Variants in CGREF1 observed in about 807,000 individuals in gnomAD.
The protein encoded by CGREF1 is cell growth regulator with EF hand domain protein 1.
A neutral mutation model predicts 17.4 loss-of-function variants in CGREF1; 16 were observed. The observed-to-expected ratio is 0.92, with a 90% CI of 0.62 to 1.40. The LOEUF (loss-of-function observed/expected upper bound fraction) is 1.40, where lower values mean the gene tolerates loss of function less well. Ranked by LOEUF, CGREF1 falls within the 40% of genes most tolerant of loss-of-function variation. The pLI, the probability that CGREF1 is intolerant of heterozygous loss-of-function variation, is 0.00. For synonymous variants in CGREF1, 142 were observed against 154.6 expected, an observed-to-expected ratio of 0.92 and a Z score of 0.61; for missense variants, 296 against 376.4, an observed-to-expected ratio of 0.79 and a Z score of 1.77.
At chr2:27,112,269 C>G (rs775524741) in intron 1 of CGREF1, among the ~76,000 whole-genome samples, 1 of 151,774 alleles carries the variant, frequency 6.6e-6, no homozygotes, top group Non-Finnish European at 1.5e-5. Context: ...GAGTGAGACC[C>G]CATTTCAGAA....
At chr2:27,105,150 G>A (rs1671067541) in intron 1 of CGREF1, among the ~76,000 whole-genome samples, 1 of 152,220 alleles carries the variant, frequency 6.6e-6, no homozygotes, top group South Asian at 2.1e-4. Flanking sequence ...GAGTCCCAGG[G>A]TATGTACAGG....
chr2:27,101,165 C>T lies in CGREF1; in HGVS notation c.*109G>A, dbSNP rs1039925901. On this transcript the variant is annotated 3_prime_UTR_variant, in exon 6 of 6. Transcript: ENST00000402394. ...AGAAAGACCTGATACCTACTGGGACCAGGCAGGGGGCACAGAGATGGTCCT... is the reference window on the plus strand; with the variant it reads ...AGAAAGACCTGATACCTACTGGGACTAGGCAGGGGGCACAGAGATGGTCCT... The T allele has an allele frequency of 6.7e-7, 1 of 1,486,536 alleles. No individual in the cohort carries two copies. The highest frequency in any genetic ancestry group is 8.9e-7 in the Non-Finnish European group (1 of 1,125,362). 92.1% of individuals were successfully genotyped at this position (1,486,536 alleles called of 1,614,324 possible).
At position 27,104,302 on chromosome 2, in the gene CGREF1, T is replaced by C; in HGVS notation, c.65A>G (p.Lys22Arg). 6.4e-7 allele frequency: 1 copy of C among 1,566,336 alleles called. No homozygotes were observed. Among genetic ancestry groups the C allele is most frequent in the Non-Finnish European group, 8.7e-7 (1 of 1,155,722 alleles). The change falls in exon 2 of 6, where the codon AAG becomes AGG. Residue 22 changes from lysine (K) to arginine (R), a missense_variant. Coordinates refer to ENST00000402394, the MANE Select transcript of CGREF1 (RefSeq NM_006569.6). ...ACCCTGTTACCTTGTGACTCCATCC[T>C]TTGGGGCAGCCTGACCCGTGGGGAG... ...LLLPTGQAAP[K>R]DGVTRPDSEV...
chr2:27,110,218 C>T (rs567313443), intron 1 of CGREF1, among the ~76,000 whole-genome samples: 78 of 152,094 alleles, frequency 5.1e-4, no homozygotes, highest in African/African-American at 1.8e-3. Context: ...GCCTGGGCAA[C>T]ACCCTGTCTC....
At chr2:27,114,602 C>T (rs927680513) in intron 1 of CGREF1, among the ~76,000 whole-genome samples, 6 of 152,188 alleles carry the variant, frequency 3.9e-5, no homozygotes, top group African/African-American at 1.4e-4. Flanking sequence ...GGTTCTGGTT[C>T]TCCCCTTCAC....
At chr2:27,113,061 C>A (rs1036626837) in intron 1 of CGREF1, among the ~76,000 whole-genome samples, 1 of 152,040 alleles carries the variant, frequency 6.6e-6, no homozygotes, top group African/African-American at 2.4e-5. Context: ...CTACAGGGTG[C>A]CTGGGAGGTC....
chr2:27,101,067 G>GTA lies in CGREF1; in HGVS notation c.*206_*207insTA. On this transcript the variant is annotated 3_prime_UTR_variant, in exon 6 of 6. Coordinates refer to ENST00000402394, the MANE Select transcript of CGREF1 (RefSeq NM_006569.6). ...GGGCAGGCTGGACGGGTAGAGAGGT[G>GTA]GCCGGGGGGATGAATTCATTCAGTT... 1 of 1,303,944 alleles carries GTA rather than the reference G, an allele frequency of 7.7e-7. No homozygotes were observed. Among genetic ancestry groups the GTA allele is most frequent in the East Asian group, 3.0e-5 (1 of 33,440 alleles). 80.8% of individuals were successfully genotyped at this position (1,303,944 alleles called of 1,614,324 possible).
chr2:27,101,670 G>T lies in CGREF1; in HGVS notation c.561C>A (p.Pro187=). 1 of 1,614,240 alleles carries T rather than the reference G, an allele frequency of 6.2e-7. No individual in the cohort carries two copies. Among genetic ancestry groups the T allele is most frequent in the Non-Finnish European group, 8.5e-7 (1 of 1,180,052 alleles). The stretch of plus-strand genomic sequence containing the variant: ...CTACCTGGCCCTTTGCTTCTTCTCT[G>T]GGACCAGGGGCTTCCTGTGTTTCTT... ...LRQETQEAPG[P]REEAKGQVEA... is the part of the protein sequence containing the mutation. The change falls in exon 6 of 6, where the codon CCC becomes CCA. Residue 187 remains proline, a synonymous_variant. Transcript: ENST00000402394.
intron 1 of CGREF1, among the ~76,000 whole-genome samples, chr2:27,116,174 G>C (rs1017354699): frequency 4.0e-5 from 6 of 148,912 alleles, no homozygotes; most frequent in African/African-American, 1.5e-4. Flanking sequence ...GCTGCAGTGA[G>C]CTATAATTAC....
chr2:27,116,876 TC>T (rs1558466789), intron 1 of CGREF1, among the ~76,000 whole-genome samples: 21 of 30,712 alleles, frequency 6.8e-4, no homozygotes, highest in African/African-American at 4.9e-3. Flanking sequence ...GCCTATTCTC[TC>T]TCTCTCTCTC....
At position 27,100,612 on chromosome 2, in the gene CGREF1, T is replaced by A; in HGVS notation, c.*662A>T. The stretch of plus-strand genomic sequence containing the variant: ...ACAGACCTGGATTAAAATCTGCCAT[T>A]TAATTAGCTGCATATCACCTTAGGG... On this transcript the variant is annotated 3_prime_UTR_variant, in exon 6 of 6. Coordinates refer to ENST00000402394, the MANE Select transcript of CGREF1 (RefSeq NM_006569.6). The A allele has an allele frequency of 8.3e-7, 1 of 1,211,662 alleles. No individual in the cohort carries two copies. The highest frequency in any genetic ancestry group is 1.6e-5 in the African/African-American group (1 of 64,268). The allele number at this position is 1,211,662 out of a possible 1,614,324, so 75.1% of individuals were successfully genotyped here.
At chr2:27,106,380 T>TA (rs2148387037) in intron 1 of CGREF1, among the ~76,000 whole-genome samples, 1 of 152,252 alleles carries the variant, frequency 6.6e-6, no homozygotes, top group Non-Finnish European at 1.5e-5. Context: ...GCTTGTGCTG[T>TA]AAAGGAGACC....
rs1332277975 is a variant in CGREF1, at chr2:27,101,250, G to T, written c.*24C>A. 2.0e-5 allele frequency: 30 copies of T among 1,525,942 alleles called. No homozygotes were observed. Among genetic ancestry groups the T allele is most frequent in the Non-Finnish European group, 2.6e-5 (30 of 1,136,690 alleles). The allele number at this position is 1,525,942 out of a possible 1,614,324, so 94.5% of individuals were successfully genotyped here. On this transcript the variant is annotated 3_prime_UTR_variant, in exon 6 of 6. Coordinates refer to ENST00000402394, the MANE Select transcript of CGREF1 (RefSeq NM_006569.6). ...GCTTATGTTCTGGCACTGAGACTTC[G>T]TGGGGTACCTGTATCTTCAAGATCT... is the stretch of plus-strand genomic sequence containing the variant.
At chr2:27,116,921 C>CTT (rs1187990534) in intron 1 of CGREF1, among the ~76,000 whole-genome samples, 4 of 65,452 alleles carry the variant, frequency 6.1e-5, no homozygotes, top group African/African-American at 3.1e-4. Context: ...CTCTCTCTCT[C>CTT]TCTTTTTTTG....
chr2:27,113,040 G>GA (rs1449756436), intron 1 of CGREF1, among the ~76,000 whole-genome samples: 1 of 152,206 alleles, frequency 6.6e-6, no homozygotes, highest in Non-Finnish European at 1.5e-5. Flanking sequence ...AGGTTAGAGA[G>GA]AAGGCCCTGC....
rs1670793265 is a variant in CGREF1 at position 27,101,051 on chromosome 2, G to A, written c.*223C>T. 1 of 1,328,446 alleles carries A rather than the reference G, an allele frequency of 7.5e-7. No individual in the cohort carries two copies. Among genetic ancestry groups the A allele is most frequent in the Admixed American group, 3.8e-5 (1 of 26,612 alleles). The allele number at this position is 1,328,446 out of a possible 1,614,324, so 82.3% of individuals were successfully genotyped here. Reference sequence around the variant, plus strand: ...TCCTCTGAGAGGGTCTGGGCAGGCTGGACGGGTAGAGAGGTGGCCGGGGGG... The same window carrying A: ...TCCTCTGAGAGGGTCTGGGCAGGCTAGACGGGTAGAGAGGTGGCCGGGGGG... On this transcript the variant is annotated 3_prime_UTR_variant, in exon 6 of 6. Transcript: ENST00000402394.
Position 27,100,769 on chromosome 2 carries a change from T to G in CGREF1, c.*505A>C. On this transcript the variant is annotated 3_prime_UTR_variant, in exon 6 of 6. Transcript: ENST00000402394. ...GCATGATGCCTGATGTGTACAAGGC[T>G]CTCAAAAAGTTCTAGTGATGATTAA... 1 of 1,122,624 alleles carries G rather than the reference T, an allele frequency of 8.9e-7. No individual in the cohort carries two copies. The highest frequency in any genetic ancestry group is 1.1e-6 in the Non-Finnish European group (1 of 907,388). 69.5% of individuals were successfully genotyped at this position (1,122,624 alleles called of 1,614,324 possible). A position where few individuals can be genotyped will look rare whatever the true frequency, so the allele number is the denominator to read the frequency against.
chr2:27,111,832 T>G (rs1485704192), intron 1 of CGREF1, among the ~76,000 whole-genome samples: 1 of 151,964 alleles, frequency 6.6e-6, no homozygotes, highest in Non-Finnish European at 1.5e-5. Context: ...CAGCCCCGGT[T>G]CGCGCTCGCG....
At chr2:27,114,196 T>A (rs972478858) in intron 1 of CGREF1, among the ~76,000 whole-genome samples, 5 of 151,880 alleles carry the variant, frequency 3.3e-5, no homozygotes, top group Admixed American at 6.6e-5. Flanking sequence ...GGTTTCACCA[T>A]GTTGGCCAGG....
Sources: allele counts gnomAD v4.1 joint callset (sites outside exome capture counted in the v4.1 genomes callset), GRCh38; gene constraint gnomAD v4.1.1; transcripts MANE v1.5; gene names NCBI Gene and HGNC (gene_info 2026-07-23, HGNC 2026-07-21).